Variants in STMND1 observed in about 807,000 individuals in gnomAD.
The protein encoded by STMND1 is stathmin domain containing 1.
In STMND1, 17 loss-of-function variants were observed where a neutral mutation model predicts 23.0. That is an observed-to-expected ratio of 0.74 (90% CI 0.51 to 1.11). The LOEUF is 1.11. STMND1 is among the 50% of genes least tolerant of loss of function. The pLI, the probability that STMND1 is intolerant of heterozygous loss-of-function variation, is 0.00. For synonymous variants in STMND1, 114 were observed against 119.9 expected, an observed-to-expected ratio of 0.95 and a Z score of 0.32; for missense variants, 305 against 329.1, an observed-to-expected ratio of 0.93 and a Z score of 0.57.
intron 1 of STMND1, chr6:17,110,718 A>C: frequency 2.3e-6 from 1 of 434,972 alleles, no homozygotes; most frequent in Admixed American, 2.5e-5. Flanking sequence ...CAGTGAGCCG[A>C]GATCGCACCA....
chr6:17,110,778 A>AT (rs1374679914), intron 1 of STMND1: 1 of 455,640 alleles, frequency 2.2e-6, no homozygotes, highest in Non-Finnish European at 4.4e-6. Flanking sequence ...AAAAAAATAA[A>AT]AAATAGACAT....
At chr6:17,102,441 C>A in intron 1 of STMND1, 103 bp downstream of exon 1, 1 of 1,405,126 alleles carries the variant, frequency 7.1e-7, no homozygotes, top group South Asian at 1.3e-5. Flanking sequence ...TTGGCTGGAG[C>A]AGGGTCGGTC....
At chr6:17,102,445 G>A in intron 1 of STMND1, 107 bp downstream of exon 1, 2 of 1,363,642 alleles carry the variant, frequency 1.5e-6, no homozygotes, top group East Asian at 2.6e-5. Context: ...CTGGAGCAGG[G>A]TCGGTCGAGG....
intron 1 of STMND1, among the ~76,000 whole-genome samples, chr6:17,107,264 A>G (rs1761036522): frequency 6.6e-6 from 1 of 152,222 alleles, no homozygotes; most frequent in Non-Finnish European, 1.5e-5. Flanking sequence ...TAGTACATCC[A>G]TACCAAAAAA....
At chr6:17,110,103 T>C (rs1046133592) in intron 1 of STMND1, among the ~76,000 whole-genome samples, 2 of 152,212 alleles carry the variant, frequency 1.3e-5, no homozygotes, top group Non-Finnish European at 2.9e-5. Flanking sequence ...AATGTCCTTT[T>C]CTCCTTGTCC....
rs1561920249 is a variant in STMND1 at position 17,102,347 on chromosome 6, C to CAA, written c.81+11_81+12dup. On this transcript the variant is annotated intron_variant, in intron 1 of 4. Coordinates refer to ENST00000536551, the MANE Select transcript of STMND1 (RefSeq NM_001190766.2). ...GGAAAGAGGAATTCAAGGTAATAAA[C>CAA]AAACAAACAAACAAACAAACAAACA... 2.6e-5 allele frequency: 33 copies of CAA among 1,292,218 alleles called. No individual in the cohort carries two copies. Among genetic ancestry groups the CAA allele is most frequent in the Non-Finnish European group, 3.4e-5 (33 of 982,130 alleles). 80.0% of individuals were successfully genotyped at this position (1,292,218 alleles called of 1,614,324 possible). A position where few individuals can be genotyped will look rare whatever the true frequency, so the allele number is the denominator to read the frequency against.
chr6:17,120,148 G>A (rs2113487164), intron 2 of STMND1, among the ~76,000 whole-genome samples: 1 of 152,078 alleles, frequency 6.6e-6, no homozygotes, highest in East Asian at 1.9e-4. Flanking sequence ...ATAAACTTAG[G>A]GTTGCAGAAC....
chr6:17,130,828 G>C lies in STMND1; in HGVS notation c.778G>C (p.Gly260Arg). 6.5e-7 allele frequency: 1 copy of C among 1,535,792 alleles called. No individual in the cohort carries two copies. Residue 260 changes from glycine (G) to arginine (R), a missense_variant, in exon 5 of 5, where the codon GGG becomes CGG. Coordinates refer to ENST00000536551, the MANE Select transcript of STMND1 (RefSeq NM_001190766.2). ...TAGAAACGAAAGTGATGAAAGTTTT[G>C]GGGTCGTGGAGTCAGACATGTCCTA... is the stretch of plus-strand genomic sequence containing the variant. ...IDRNESDESFGVVESDMSYNQ... is the reference protein window; with the variant it reads ...IDRNESDESFRVVESDMSYNQ...
chr6:17,129,583 G>T (rs1445452860), intron 4 of STMND1, among the ~76,000 whole-genome samples: 1 of 151,720 alleles, frequency 6.6e-6, no homozygotes, highest in African/African-American at 2.4e-5. Context: ...GGTGGCTCAC[G>T]CCTGTAATCC....
rs1249192760 is a variant in STMND1 at position 17,102,253 on chromosome 6, G to T, written c.-5G>T. On this transcript the variant is annotated 5_prime_UTR_variant, in exon 1 of 5. Transcript: ENST00000536551. The stretch of plus-strand genomic sequence containing the variant: ...GCCCGCGGAGGAGGAGCGCGCGCGC[G>T]CAGCATGGGCTGTGGACCTTCCCAA... 6.6e-7 allele frequency: 1 copy of T among 1,525,328 alleles called. No individual in the cohort carries two copies. Among genetic ancestry groups the T allele is most frequent in the East Asian group, 2.5e-5 (1 of 39,412 alleles). 94.5% of individuals were successfully genotyped at this position (1,525,328 alleles called of 1,614,324 possible).
At chr6:17,107,374 T>C (rs78246713) in intron 1 of STMND1, among the ~76,000 whole-genome samples, 1,852 of 152,188 alleles carry the variant, frequency 0.012, 41 homozygotes, top group African/African-American at 0.042. Flanking sequence ...AGCTGTTAGC[T>C]TATAATTCAC....
intron 2 of STMND1, among the ~76,000 whole-genome samples, chr6:17,119,488 GA>G (rs1337524879): frequency 6.6e-6 from 1 of 152,204 alleles, no homozygotes; most frequent in Non-Finnish European, 1.5e-5. Context: ...CAGATCACCT[GA>G]GGTCAGGAGT....
Position 17,120,739 on chromosome 6 carries a change from G to A in STMND1, c.392G>A (p.Gly131Glu). The change falls in exon 3 of 5, where the codon GGA (glycine) becomes GAA (glutamate). Residue 131 changes from glycine to glutamate, a missense_variant. By Grantham distance (98) the Gly-to-Glu change is moderately conservative (BLOSUM62 -2). Transcript: ENST00000536551. ...AGCCACAGCAAAGTATTTAGAAATGGAGAATCATATGATGTCACGGCAAGT... is the reference window on the plus strand; with the variant it reads ...AGCCACAGCAAAGTATTTAGAAATGAAGAATCATATGATGTCACGGCAAGT... ...IQSHSKVFRN[G>E]ESYDVTLTTT... 1 of 1,529,480 alleles carries A rather than the reference G, an allele frequency of 6.5e-7. No homozygotes were observed. Among genetic ancestry groups the A allele is most frequent in the Non-Finnish European group, 8.7e-7 (1 of 1,145,058 alleles). The allele number at this position is 1,529,480 out of a possible 1,614,324, so 94.7% of individuals were successfully genotyped here.
At chr6:17,126,729 G>C (rs1260985371) in intron 3 of STMND1, among the ~76,000 whole-genome samples, 1 of 152,142 alleles carries the variant, frequency 6.6e-6, no homozygotes, top group Non-Finnish European at 1.5e-5. Flanking sequence ...AACTTCCTTT[G>C]ACAAACATTC....
At chr6:17,108,791 A>G (rs1453882365) in intron 1 of STMND1, among the ~76,000 whole-genome samples, 1 of 148,014 alleles carries the variant, frequency 6.8e-6, no homozygotes, top group Non-Finnish European at 1.5e-5. Context: ...CCGCCTCTCG[A>G]GTTCAAGTGA....
In STMND1 at chr6:17,130,763, T is replaced by C. The variant is rs763484177; in HGVS notation, c.713T>C (p.Leu238Ser). 3 of 1,535,962 alleles carry C rather than the reference T, an allele frequency of 2.0e-6. No homozygotes were observed. Among genetic ancestry groups the C allele is most frequent in the Non-Finnish European group, 2.6e-6 (3 of 1,146,890 alleles). Reference sequence around the variant, plus strand: ...TCTGACCTGCAGGGAGGAAAACCATTGAAGAGGAAGAAGAGTAAATGTGAT... The same window carrying C: ...TCTGACCTGCAGGGAGGAAAACCATCGAAGAGGAAGAAGAGTAAATGTGAT... ...EPSDLQGGKP[L>S]KRKKSKCDAT... The change falls in exon 5 of 5, where the codon TTG becomes TCG. Residue 238 changes from leucine to serine, a missense_variant. By Grantham distance (145) the Leu-to-Ser change is moderately radical (BLOSUM62 -2). Coordinates refer to ENST00000536551, the MANE Select transcript of STMND1 (RefSeq NM_001190766.2).
chr6:17,114,820 G>A (rs1761136620), intron 1 of STMND1, 142 bp from the exon 2 acceptor site: 1 of 864,478 alleles, frequency 1.2e-6, no homozygotes, highest in African/African-American at 1.7e-5. Context: ...CAGGGGGTTG[G>A]GGACCCCGAT....
At chr6:17,117,076 TG>T (rs1300505606) in intron 2 of STMND1, among the ~76,000 whole-genome samples, 1 of 151,994 alleles carries the variant, frequency 6.6e-6, no homozygotes, top group Non-Finnish European at 1.5e-5. Context: ...TTTTTTTGTT[TG>T]TTTTTTTTGA....
chr6:17,126,034 T>TTTTATATATATATATA (rs1348334184), intron 3 of STMND1, among the ~76,000 whole-genome samples: 15 of 42,008 alleles, frequency 3.6e-4, no homozygotes, highest in African/African-American at 1.9e-3. Flanking sequence ...GATCATTGTT[T>TTTTATATATATATATA]TATATATATA....
Sources: gnomAD v4.1 joint callset for allele counts (sites outside exome capture counted in the v4.1 genomes callset) on GRCh38, gnomAD v4.1.1 for gene constraint, MANE v1.5 for transcripts, NCBI Gene and HGNC (gene_info 2026-07-23, HGNC 2026-07-21) for gene names.